UBE2E1: variants seen among roughly 807,000 people sequenced by gnomAD.
The protein encoded by UBE2E1 is ubiquitin-conjugating enzyme E2 E1.
UBE2E1 carries 6 observed loss-of-function variants against 21.4 expected under a neutral mutation model. The ratio of observed to expected loss-of-function variants is 0.28; its 90% CI spans 0.15 to 0.55. The LOEUF (loss-of-function observed/expected upper bound fraction) is 0.55, where lower values mean the gene tolerates loss of function less well. Among genes scored for constraint, UBE2E1 ranks in the 20% least tolerant of loss-of-function variants. The pLI, the probability that UBE2E1 is intolerant of heterozygous loss-of-function variation, is 0.93. For synonymous variants in UBE2E1, 87 were observed against 82.7 expected, an observed-to-expected ratio of 1.05 and a Z score of -0.28; for missense variants, 142 against 236.5, an observed-to-expected ratio of 0.60 and a Z score of 2.62.
intron 3 of UBE2E1, among the ~76,000 whole-genome samples, chr3:23,838,818 A>G (rs1700024295): frequency 6.6e-6 from 1 of 151,202 alleles, no homozygotes; most frequent in Admixed American, 6.6e-5. Flanking sequence ...TTAGATTTAA[A>G]TTAATTTTCA....
At chr3:23,824,040 C>G (rs1343790176) in intron 3 of UBE2E1, among the ~76,000 whole-genome samples, 1 of 152,206 alleles carries the variant, frequency 6.6e-6, no homozygotes, top group Non-Finnish European at 1.5e-5. Flanking sequence ...GGACACAGTT[C>G]TTGTTAAAAC....
At chr3:23,872,061 A>G (rs1212420687) in intron 3 of UBE2E1, among the ~76,000 whole-genome samples, 1 of 152,084 alleles carries the variant, frequency 6.6e-6, no homozygotes. Context: ...AGATCACGCC[A>G]CTGCGCTCCA....
intron 3 of UBE2E1, among the ~76,000 whole-genome samples, chr3:23,845,583 C>CTGTGTGTGTGTGTG (rs768414328): frequency 1.2e-3 from 58 of 48,846 alleles, no homozygotes; most frequent in Non-Finnish European, 1.8e-3. Flanking sequence ...CTCTCTCTCT[C>CTGTGTGTGTGTGTG]TCTCTCTGTG....
intron 3 of UBE2E1, among the ~76,000 whole-genome samples, chr3:23,843,339 A>T (rs903677562): frequency 6.6e-6 from 1 of 152,154 alleles, no homozygotes. Flanking sequence ...TGACATTCGG[A>T]ACTGTGCACA....
chr3:23,845,587 C>CTGTGTGTG (rs372552220), intron 3 of UBE2E1, among the ~76,000 whole-genome samples: 1,768 of 115,432 alleles, frequency 0.015, 50 homozygotes, highest in African/African-American at 0.048. Flanking sequence ...CTCTCTCTCT[C>CTGTGTGTG]TCTGTGTGTG....
intron 4 of UBE2E1, 77 bp from the exon 5 acceptor site, chr3:23,889,035 T>C: frequency 6.8e-7 from 1 of 1,460,480 alleles, no homozygotes; most frequent in Non-Finnish European, 9.2e-7. Context: ...AGTCACCTTC[T>C]TAAGGGTCAT....
At chr3:23,890,442 C>G in intron 5 of UBE2E1, 67 bp from the exon 6 acceptor site, 4 of 1,493,136 alleles carry the variant, frequency 2.7e-6, no homozygotes, top group Non-Finnish European at 3.7e-6. Context: ...CCCAAGCTGT[C>G]ACTATTCGCT....
At chr3:23,886,440 G>A (rs914421439) in intron 3 of UBE2E1, among the ~76,000 whole-genome samples, 15 of 152,096 alleles carry the variant, frequency 9.9e-5, no homozygotes, top group Admixed American at 3.3e-4. Flanking sequence ...CCCATTACCC[G>A]CTATTCGGTT....
Position 23,842,199 on chromosome 3 carries a change from GTGTGT to G in UBE2E1, c.203+30690_203+30694del, listed in dbSNP as rs1439183531. Reference sequence around the variant, plus strand: ...ATGTCATGACCCAGTAAGTGAAGGGGTGTGTGTGTGTGTGTGTGTGTGTGTGTGTG... The same window carrying G: ...ATGTCATGACCCAGTAAGTGAAGGGGGTGTGTGTGTGTGTGTGTGTGTGTG... On this transcript the variant is annotated intron_variant, in intron 3 of 5. Transcript: ENST00000306627. The surrounding 1 kb of genome is among the most constrained non-coding windows in gnomAD (Gnocchi z 4.6). Among the ~76,000 whole-genome samples the G allele has an allele frequency of 4.7e-3, 262 of 56,220 alleles. No individual in the cohort carries two copies. Among genetic ancestry groups the G allele is most frequent in the African/African-American group, 0.017 (241 of 14,214 alleles). 36.9% of individuals were successfully genotyped at this position (56,220 alleles called of 152,430 possible).
chr3:23,807,009 C>T (rs1234839587), intron 1 of UBE2E1: 3 of 358,544 alleles, frequency 8.4e-6, no homozygotes, highest in African/African-American at 4.2e-5. Flanking sequence ...GGCCTCTCTC[C>T]TAGCTCCAGA....
chr3:23,858,704 T>TA (rs1700491795), intron 3 of UBE2E1, among the ~76,000 whole-genome samples: 1 of 152,236 alleles, frequency 6.6e-6, no homozygotes, highest in Admixed American at 6.5e-5. Flanking sequence ...CTCTTATTCT[T>TA]ACCACTCGTG....
intron 3 of UBE2E1, among the ~76,000 whole-genome samples, chr3:23,832,105 A>G (rs1345506794): frequency 6.6e-6 from 1 of 152,242 alleles, no homozygotes; most frequent in Non-Finnish European, 1.5e-5. Context: ...GAGCATATGG[A>G]TCATGTCAGC....
intron 5 of UBE2E1, among the ~76,000 whole-genome samples, chr3:23,890,225 A>T (rs1002536201): frequency 6.6e-6 from 1 of 152,182 alleles, no homozygotes; most frequent in Non-Finnish European, 1.5e-5. Context: ...CCTAACACAT[A>T]AGAGTAAAGA....
intron 3 of UBE2E1, among the ~76,000 whole-genome samples, chr3:23,838,213 G>A (rs575580496): frequency 1.3e-5 from 2 of 151,374 alleles, no homozygotes; most frequent in African/African-American, 4.9e-5. Context: ...GACTATAAAC[G>A]TGAGCCACCA....
chr3:23,821,198 T>C (rs996496474), intron 3 of UBE2E1, among the ~76,000 whole-genome samples: 1 of 152,184 alleles, frequency 6.6e-6, no homozygotes, highest in African/African-American at 2.4e-5. Context: ...GTACAAGTTG[T>C]AATGGCTAGT....
intron 3 of UBE2E1, among the ~76,000 whole-genome samples, chr3:23,859,071 A>G (rs1472350747): frequency 6.6e-6 from 1 of 152,156 alleles, no homozygotes; most frequent in Non-Finnish European, 1.5e-5. Context: ...GAATTTTGCC[A>G]TATTCATTAA....
Position 23,890,673 on chromosome 3 carries a change from G to T in UBE2E1, c.*67G>T. ...AGAGAGCTGCTTATGATTTTGAAGGGGTCAGGGAGGGTGGGAGTTGGTAAA... is the reference window on the plus strand; with the variant it reads ...AGAGAGCTGCTTATGATTTTGAAGGTGTCAGGGAGGGTGGGAGTTGGTAAA... On this transcript the variant is annotated 3_prime_UTR_variant, in exon 6 of 6. Coordinates refer to ENST00000306627, the MANE Select transcript of UBE2E1 (RefSeq NM_003341.5). 7.4e-7 allele frequency: 1 copy of T among 1,346,176 alleles called. No individual in the cohort carries two copies. The highest frequency in any genetic ancestry group is 1.3e-5 in the South Asian group (1 of 76,264). The allele number at this position is 1,346,176 out of a possible 1,614,324, so 83.4% of individuals were successfully genotyped here.
chr3:23,807,412 G>A lies in UBE2E1; in HGVS notation c.143G>A (p.Ser48Asn). The A allele has an allele frequency of 1.2e-6, 2 of 1,611,028 alleles. No homozygotes were observed. Among genetic ancestry groups the A allele is most frequent in the Non-Finnish European group, 1.7e-6 (2 of 1,179,038 alleles). The change falls in exon 2 of 6, where the codon AGC becomes AAC. Residue 48 changes from serine (S) to asparagine (N), a missense_variant. Physicochemically the swap from Ser to Asn is conservative, Grantham distance 46. Coordinates refer to ENST00000306627, the MANE Select transcript of UBE2E1 (RefSeq NM_003341.5). ...AAAAACTCCAAACTCCTCTCCACCA[G>A]CGCCAAGAGGTACTGTGCTCTTTTT... The part of the protein sequence containing the change: ...MSKNSKLLST[S>N]AKRIQKELAD...
chr3:23,875,834 G>T (rs772946846), intron 3 of UBE2E1, among the ~76,000 whole-genome samples: 2 of 152,188 alleles, frequency 1.3e-5, no homozygotes, highest in East Asian at 3.9e-4. Context: ...GTGCAGTGGC[G>T]TGATCTCATC....
Sources: gnomAD v4.1 joint callset for allele counts (sites outside exome capture counted in the v4.1 genomes callset) on GRCh38, gnomAD v4.1.1 for gene constraint, Gnocchi (gnomAD v3.1) non-coding constraint, MANE v1.5 for transcripts, NCBI Gene and HGNC (gene_info 2026-07-23, HGNC 2026-07-21) for gene names.